The following TEKT4 variants were observed in gnomAD, a reference collection of about 807,000 sequenced individuals.
TEKT4 encodes the protein tektin 4, also known as tektin-4.
A neutral mutation model predicts 46.0 loss-of-function variants in TEKT4; 46 were observed. The observed-to-expected ratio is 1.00, with a 90% CI of 0.79 to 1.28. The LOEUF (loss-of-function observed/expected upper bound fraction) is 1.28, where lower values mean the gene tolerates loss of function less well. Ranked by LOEUF, TEKT4 falls within the 50% of genes most tolerant of loss-of-function variation. TEKT4 has a pLI of 0.00. For synonymous variants in TEKT4, 325 were observed against 265.8 expected (o/e 1.22, Z -2.17); for missense variants, 790 against 622.9 (o/e 1.27, Z -2.85).
Position 94,874,048 on chromosome 2 carries a change from G to C in TEKT4, c.653G>C (p.Arg218Pro). The C allele has an allele frequency of 6.2e-7, 1 of 1,613,698 alleles. No homozygotes were observed. The highest frequency in any genetic ancestry group is 8.5e-7 in the Non-Finnish European group (1 of 1,179,960). ...EAYNIDETCG[R>P]HHSQSTEVQA... ...TACAACATCGACGAGACCTGCGGGC[G>C]CCACCACAGCCAGAGCACCGAGGTG... is the stretch of plus-strand genomic sequence containing the variant. Residue 218 changes from arginine (R) to proline (P), a missense_variant, in exon 3 of 6, where the codon CGC (arginine) becomes CCC (proline). Coordinates refer to ENST00000295201, the MANE Select transcript of TEKT4 (RefSeq NM_144705.4).
chr2:94,876,187 G>C (rs1295717181), intron 5 of TEKT4, among the ~76,000 whole-genome samples: 4 of 152,204 alleles, frequency 2.6e-5, no homozygotes, highest in Admixed American at 1.3e-4. Context: ...GATAACGGAT[G>C]CCCGGTGGCC....
chr2:94,874,785 C>T lies in TEKT4; in HGVS notation c.723C>T (p.Thr241=), dbSNP rs1553395810. ...GTCCCCCGCCCCGCAGCGCCTCCAC[C>T]CCGGAGACCCGGGCCAAGTTCACGC... ...YSTTFQESAS[T]PETRAKFTQD... Residue 241 remains threonine, a synonymous_variant, in exon 4 of 6, where the codon ACC becomes ACT. Coordinates refer to ENST00000295201, the MANE Select transcript of TEKT4 (RefSeq NM_144705.4). 1 of 1,581,174 alleles carries T rather than the reference C, an allele frequency of 6.3e-7. No individual in the cohort carries two copies. Among genetic ancestry groups the T allele is most frequent in the Admixed American group, 1.8e-5 (1 of 56,166 alleles).
Position 94,871,999 on chromosome 2 carries a change from C to A in TEKT4, c.420C>A (p.Thr140=). The A allele has an allele frequency of 6.3e-7, 1 of 1,598,210 alleles. No homozygotes were observed. The highest frequency in any genetic ancestry group is 1.3e-5 in the African/African-American group (1 of 74,764). The part of the protein sequence containing the change: ...LDATEVPFSI[T]TDNLQCRERR... ...CCACAGAGGTGCCCTTCTCCATCACCACTGACAACCTGCAGTGCCGTGAGC... is the reference window on the plus strand; with the variant it reads ...CCACAGAGGTGCCCTTCTCCATCACAACTGACAACCTGCAGTGCCGTGAGC... The change falls in exon 1 of 6, where the codon ACC becomes ACA. Residue 140 remains threonine (T), a synonymous_variant. Coordinates refer to ENST00000295201, the MANE Select transcript of TEKT4 (RefSeq NM_144705.4).
At chr2:94,873,912 C>A in intron 2 of TEKT4, 53 bp from the exon 3 acceptor site, 3 of 1,606,842 alleles carry the variant, frequency 1.9e-6, no homozygotes, top group Non-Finnish European at 1.7e-6. Context: ...CAGAGGGTCC[C>A]CAGCAGGGCC....
At chr2:94,874,144 T>A (rs781826605) in intron 3 of TEKT4, 36 bp downstream of exon 3, 1 of 1,601,616 alleles carries the variant, frequency 6.2e-7, no homozygotes, top group Non-Finnish European at 8.5e-7. Context: ...TTGCCCTGGC[T>A]GTGGTCTCGC....
chr2:94,874,956 G>A lies in TEKT4; in HGVS notation c.894G>A (p.Glu298=), dbSNP rs62146943. The A allele has an allele frequency of 6.2e-7, 1 of 1,610,974 alleles. No homozygotes were observed. The change falls in exon 4 of 6, where the codon GAG becomes GAA. Residue 298 remains glutamate (E), a synonymous_variant. Coordinates refer to ENST00000295201, the MANE Select transcript of TEKT4 (RefSeq NM_144705.4). ...VNLAFGRRCE[E]LEDARYKLHH... ...TGGCCTTCGGGCGCCGCTGTGAGGA[G>A]CTGGAGGACGCGCGGTACAAGCTGC...
rs112908382 is a variant in TEKT4 at position 94,875,669 on chromosome 2, G to A, written c.1018G>A (p.Val340Ile). Reference protein sequence around the residue: ...AIKDKEAPLHVAQTRLYLRSH... With the variant: ...AIKDKEAPLHIAQTRLYLRSH... Reference sequence around the variant, plus strand: ...CAAGGACAAAGAGGCACCTCTGCACGTAGCCCAGACCCGGCTGTACCTGCG... The same window carrying A: ...CAAGGACAAAGAGGCACCTCTGCACATAGCCCAGACCCGGCTGTACCTGCG... Residue 340 changes from valine (V) to isoleucine (I), a missense_variant, in exon 5 of 6, where the codon GTA becomes ATA. Coordinates refer to ENST00000295201, the MANE Select transcript of TEKT4 (RefSeq NM_144705.4). 53 of 1,614,062 alleles carry A rather than the reference G, an allele frequency of 3.3e-5. No homozygotes were observed. Among genetic ancestry groups the A allele is most frequent in the East Asian group, 6.7e-5 (3 of 44,886 alleles).
At chr2:94,873,091 T>C in intron 1 of TEKT4, 2 of 1,247,204 alleles carry the variant, frequency 1.6e-6, no homozygotes, top group Non-Finnish European at 2.1e-6. Flanking sequence ...CCTTCTCCTG[T>C]TCTTGGTGTG....
chr2:94,874,043 C>T lies in TEKT4; in HGVS notation c.648C>T (p.Cys216=), dbSNP rs147190189. 4.3e-5 allele frequency: 69 copies of T among 1,613,636 alleles called. No homozygotes were observed. Among genetic ancestry groups the T allele is most frequent in the Admixed American group, 8.3e-5 (5 of 60,012 alleles). Residue 216 remains cysteine, a synonymous_variant, in exon 3 of 6, where the codon TGC becomes TGT. Coordinates refer to ENST00000295201, the MANE Select transcript of TEKT4 (RefSeq NM_144705.4). ...AGGCCTACAACATCGACGAGACCTG[C>T]GGGCGCCACCACAGCCAGAGCACCG... ...KMEAYNIDET[C]GRHHSQSTEV...
Position 94,871,560 on chromosome 2 carries a change from C to G in TEKT4, c.-20C>G, listed in dbSNP as rs782615206. On this transcript the variant is annotated 5_prime_UTR_variant, in exon 1 of 6. Coordinates refer to ENST00000295201, the MANE Select transcript of TEKT4 (RefSeq NM_144705.4). ...CACACACAGTCCTCACTCCCCTGGC[C>G]CTGGTGGGCGGCAGGCACCATGGCG... 8.2e-6 allele frequency: 13 copies of G among 1,578,606 alleles called. No homozygotes were observed. Among genetic ancestry groups the G allele is most frequent in the Non-Finnish European group, 8.6e-6 (10 of 1,163,076 alleles).
At chr2:94,872,697 T>C in intron 1 of TEKT4, 1 of 649,256 alleles carries the variant, frequency 1.5e-6, no homozygotes, top group Non-Finnish European at 2.3e-6. Context: ...CCTGTAGACA[T>C]TCGTGAAAGA....
At position 94,871,652 on chromosome 2, in the gene TEKT4, A is replaced by C. The variant is rs1680564855; in HGVS notation, c.73A>C (p.Thr25Pro). 1.2e-6 allele frequency: 2 copies of C among 1,612,412 alleles called. No individual in the cohort carries two copies. Among genetic ancestry groups the C allele is most frequent in the Non-Finnish European group, 1.7e-6 (2 of 1,179,918 alleles). ...YDVARNTGAY[T>P]SSGLATASFR... is the part of the protein sequence containing the mutation. ...CGTGGCCCGTAACACGGGCGCCTAC[A>C]CGTCCTCCGGCCTGGCCACCGCCAG... Residue 25 changes from threonine (T) to proline (P), a missense_variant, in exon 1 of 6, where the codon ACG (threonine) becomes CCG (proline). By Grantham distance (38) the Thr-to-Pro change is conservative. Transcript: ENST00000295201.
rs184151368 is a variant in TEKT4 at position 94,873,041 on chromosome 2, G to A, written c.499-479G>A. On this transcript the variant is annotated intron_variant, in intron 1 of 5. Coordinates refer to ENST00000295201, the MANE Select transcript of TEKT4 (RefSeq NM_144705.4). ...GAGAAAAGGCTTGTTCCTACACACA[G>A]CAAATTAAACTGGCCAGGCAATAAG... 1.2e-4 allele frequency: 155 copies of A among 1,284,926 alleles called. 1 individual carries two copies. The highest frequency in any genetic ancestry group is 1.5e-5 in the African/African-American group (1 of 65,796). 79.6% of individuals were successfully genotyped at this position (1,284,926 alleles called of 1,614,324 possible).
At position 94,872,041 on chromosome 2, in the gene TEKT4, C is replaced by T; in HGVS notation, c.462C>T (p.Asn154=). The T allele has an allele frequency of 6.4e-7, 1 of 1,557,410 alleles. No individual in the cohort carries two copies. The highest frequency in any genetic ancestry group is 8.7e-7 in the Non-Finnish European group (1 of 1,151,660). ...LQCRERREHP[N]LVRDHVETEL... ...GCCGTGAGCGCCGCGAGCACCCCAACCTCGTGCGCGACCATGTGGAAACGG... is the reference window on the plus strand; with the variant it reads ...GCCGTGAGCGCCGCGAGCACCCCAATCTCGTGCGCGACCATGTGGAAACGG... The change falls in exon 1 of 6, where the codon AAC becomes AAT. Residue 154 remains asparagine (N), a synonymous_variant. Transcript: ENST00000295201.
intron 1 of TEKT4, chr2:94,873,002 A>G (rs1553395139): frequency 2.3e-6 from 3 of 1,289,462 alleles, no homozygotes; most frequent in Non-Finnish European, 2.0e-6. Context: ...GTTGAGGCAA[A>G]GACCCCAATC....
Position 94,874,523 on chromosome 2 carries a change from G to A in TEKT4, c.714-253G>A, listed in dbSNP as rs545346517. On this transcript the variant is annotated intron_variant, in intron 3 of 5. Coordinates refer to ENST00000295201, the MANE Select transcript of TEKT4 (RefSeq NM_144705.4). ...TCCGGGGCAGCGGTGCTGGGAACGG[G>A]GTCGCGGGGGCACGAGGGGACTAAG... Among the ~76,000 whole-genome samples, 3 of 151,756 alleles carry A rather than the reference G, an allele frequency of 2.0e-5. No homozygotes were observed. The South Asian group carries it at 6.3e-4, about 32-fold the overall frequency.
chr2:94,874,748 C>A (rs1553395779), intron 3 of TEKT4, 28 bp from the exon 4 acceptor site: 2 of 1,524,754 alleles, frequency 1.3e-6, no homozygotes, highest in South Asian at 2.5e-5. Context: ...CCTCCCCGAC[C>A]CTCTCCTGGC....
intron 5 of TEKT4, 65 bp downstream of exon 5, chr2:94,875,807 C>A: frequency 6.6e-7 from 1 of 1,526,384 alleles, no homozygotes; most frequent in Non-Finnish European, 9.0e-7. Flanking sequence ...TGACTCTCTC[C>A]AATAAACACT....
chr2:94,872,126 G>GCCCC (rs11483811), intron 1 of TEKT4, 49 bp downstream of exon 1: 223 of 1,348,138 alleles, frequency 1.7e-4, no homozygotes, highest in Non-Finnish European at 2.0e-4. Context: ...GAGAGGAGGA[G>GCCCC]CCCCCCCCCC....
Sources: allele counts gnomAD v4.1 joint callset (sites outside exome capture counted in the v4.1 genomes callset), GRCh38; gene constraint gnomAD v4.1.1; transcripts MANE v1.5; gene names NCBI Gene and HGNC (gene_info 2026-07-23, HGNC 2026-07-21).